The following NPSR1 variants were observed in gnomAD, a reference collection of about 807,000 sequenced individuals.
The protein encoded by NPSR1 is neuropeptide S receptor.
In NPSR1, 48 loss-of-function variants were observed where a neutral mutation model predicts 46.9. The observed-to-expected ratio is 1.02, with a 90% CI of 0.81 to 1.30. The LOEUF (loss-of-function observed/expected upper bound fraction) is 1.30. Among genes scored for constraint, NPSR1 ranks in the 50% most tolerant of loss-of-function variants. The pLI is 0.00. For synonymous variants in NPSR1, 176 were observed against 168.1 expected (o/e 1.05, Z -0.36); for missense variants, 450 against 449.5 (o/e 1.00, Z -0.01).
intron 2 of NPSR1, among the ~76,000 whole-genome samples, chr7:34,690,774 G>A (rs1793209733): frequency 6.6e-6 from 1 of 152,136 alleles, no homozygotes; most frequent in African/African-American, 2.4e-5. Flanking sequence ...ATTTCAAAGG[G>A]TGAAGAAGAA....
At chr7:34,736,154 C>G (rs1335144402) in intron 2 of NPSR1, among the ~76,000 whole-genome samples, 1 of 152,088 alleles carries the variant, frequency 6.6e-6, no homozygotes, top group East Asian at 1.9e-4. Context: ...ATGTTTAGTT[C>G]TCAGTCTTCA....
chr7:34,822,819 C>T (rs1351233451), intron 4 of NPSR1, among the ~76,000 whole-genome samples: 5 of 151,940 alleles, frequency 3.3e-5, no homozygotes, highest in Admixed American at 2.6e-4. Flanking sequence ...TTGGGTAACA[C>T]CTTCATAATT....
intron 3 of NPSR1, 76 bp downstream of exon 3, chr7:34,778,641 T>C (rs1190165572): frequency 2.1e-6 from 2 of 942,236 alleles, no homozygotes; most frequent in South Asian, 1.5e-5. Flanking sequence ...AGGAAAATCA[T>C]ATAAAACCTT....
intron 6 of NPSR1, among the ~76,000 whole-genome samples, chr7:34,842,191 C>T (rs191878612): frequency 7.2e-4 from 110 of 152,222 alleles, no homozygotes; most frequent in African/African-American, 2.5e-3. Flanking sequence ...TGTTCTACAC[C>T]TCAATTTTTA....
rs35521630 is a variant in NPSR1, at chr7:34,751,467, G to A, written c.281-26995G>A. ...CCAACAGTTCCATCTTGCAGAAGCC[G>A]CGGATTAGTTCTGCCTCCGTGTCAT... On this transcript the variant is annotated intron_variant, in intron 2 of 8. Coordinates refer to ENST00000360581, the MANE Select transcript of NPSR1 (RefSeq NM_207172.2). 2.5e-3 allele frequency: 2,892 copies of A among 1,162,896 alleles called. 65 individuals are homozygous for A. The African/African-American group carries it at 0.038, about 15-fold the overall frequency. 72.0% of individuals were successfully genotyped at this position (1,162,896 alleles called of 1,614,324 possible). A position where few individuals can be genotyped will look rare whatever the true frequency, so the allele number is the denominator to read the frequency against.
At chr7:34,754,777 GC>G (rs1776174282) in intron 2 of NPSR1, among the ~76,000 whole-genome samples, 1 of 152,054 alleles carries the variant, frequency 6.6e-6, no homozygotes, top group Admixed American at 6.6e-5. Context: ...ATACCTTTTA[GC>G]TATAACTCCC....
chr7:34,737,623 C>T (rs1784741406), intron 2 of NPSR1, among the ~76,000 whole-genome samples: 1 of 152,212 alleles, frequency 6.6e-6, no homozygotes, highest in Admixed American at 6.5e-5. Flanking sequence ...TGGCCACTCC[C>T]TCTTCTTGAA....
intron 1 of NPSR1, 45 bp from the exon 2 acceptor site, chr7:34,684,505 CCA>C: frequency 6.3e-7 from 1 of 1,598,440 alleles, no homozygotes; most frequent in Non-Finnish European, 8.5e-7. Flanking sequence ...GTAAAGAACT[CCA>C]GTTCTCACTG....
In NPSR1 at chr7:34,849,364, T is replaced by C. The variant is rs766321831; in HGVS notation, c.1026-201T>C. 5.1e-4 allele frequency: 797 copies of C among 1,551,792 alleles called. 2 individuals carry two copies. Among genetic ancestry groups the C allele is most frequent in the Non-Finnish European group, 6.7e-4 (766 of 1,147,154 alleles). On this transcript the variant is annotated intron_variant, in intron 8 of 8. Coordinates refer to ENST00000360581, the MANE Select transcript of NPSR1 (RefSeq NM_207172.2). ...TACCTGTTGGCCTGTGATGTCTCTG[T>C]CCTCTGGGCTCTGGTGCTGACCAGT... is the stretch of plus-strand genomic sequence containing the variant.
intron 2 of NPSR1, among the ~76,000 whole-genome samples, chr7:34,687,860 A>T (rs1793017078): frequency 6.6e-6 from 1 of 152,234 alleles, no homozygotes; most frequent in Admixed American, 6.5e-5. Context: ...TGAGGGGCCA[A>T]GATTTCATAG....
chr7:34,791,900 G>A (rs1362559955), intron 3 of NPSR1, among the ~76,000 whole-genome samples: 1 of 152,106 alleles, frequency 6.6e-6, no homozygotes, highest in Non-Finnish European at 1.5e-5. Context: ...ATCCATGTAT[G>A]TATGGTCCAC....
At chr7:34,856,847 G>A (rs1242088582) in intron 8 of NPSR1, among the ~76,000 whole-genome samples, 1 of 151,612 alleles carries the variant, frequency 6.6e-6, no homozygotes, top group Non-Finnish European at 1.5e-5. Context: ...CAGGAGGAGG[G>A]AGAGGAGAAA....
chr7:34,798,202 T>C (rs750608139), intron 3 of NPSR1, among the ~76,000 whole-genome samples: 53 of 152,176 alleles, frequency 3.5e-4, no homozygotes, highest in Non-Finnish European at 6.8e-4. Flanking sequence ...TAATCATTAT[T>C]ACCACTTATT....
At chr7:34,754,488 A>G (rs1785713286) in intron 2 of NPSR1, among the ~76,000 whole-genome samples, 1 of 152,152 alleles carries the variant, frequency 6.6e-6, no homozygotes. Flanking sequence ...TAGCACCCAA[A>G]TCAAGAAATG....
chr7:34,760,001 TC>T (rs1786081258), intron 2 of NPSR1, among the ~76,000 whole-genome samples: 1 of 152,212 alleles, frequency 6.6e-6, no homozygotes, highest in Non-Finnish European at 1.5e-5. Flanking sequence ...TTTCACCTTA[TC>T]CGCCATCAGT....
chr7:34,762,951 G>A (rs1786248391), intron 2 of NPSR1, among the ~76,000 whole-genome samples: 1 of 152,206 alleles, frequency 6.6e-6, no homozygotes, highest in African/African-American at 2.4e-5. Flanking sequence ...AGTGCAAACA[G>A]CAACTGAGAG....
intron 2 of NPSR1, among the ~76,000 whole-genome samples, chr7:34,705,075 T>C (rs188688668): frequency 2.6e-4 from 40 of 152,312 alleles, no homozygotes; most frequent in African/African-American, 7.7e-4. Flanking sequence ...TCTCTTTTTA[T>C]ATACATATTT....
intron 2 of NPSR1, among the ~76,000 whole-genome samples, chr7:34,732,079 CAAAAAAA>C (rs535991989): frequency 3.6e-4 from 34 of 93,896 alleles, no homozygotes; most frequent in Admixed American, 6.1e-4. Context: ...GACTTCATCT[CAAAAAAA>C]AAAAAAAAAA....
intron 4 of NPSR1, among the ~76,000 whole-genome samples, chr7:34,819,871 C>A (rs552991755): frequency 6.6e-6 from 1 of 152,032 alleles, no homozygotes; most frequent in Non-Finnish European, 1.5e-5. Context: ...AACTGAACAA[C>A]GAAAACACTT....
Sources: allele counts gnomAD v4.1 joint callset (sites outside exome capture counted in the v4.1 genomes callset), GRCh38; gene constraint gnomAD v4.1.1; transcripts MANE v1.5; gene names NCBI Gene and HGNC (gene_info 2026-07-23, HGNC 2026-07-21).